Variants in OR2V2 observed in about 807,000 individuals in gnomAD.
OR2V2 encodes the protein olfactory receptor family 2 subfamily V member 2.
For missense variants in OR2V2, 392 were observed against 392.2 expected (o/e 1.00, Z 0.00); for synonymous variants, 161 against 151.3 (o/e 1.06, Z -0.47).
chr5:181,157,162 AT>A lies in OR2V2; in HGVS notation c.*1273del, dbSNP rs1763276300. ...CTATTTGCAGTAAAATTCTCTTTTC[AT>A]GGAAAAAAAATATCTCCATTGAAGG... On this transcript the variant is annotated 3_prime_UTR_variant, in exon 2 of 2. Coordinates refer to ENST00000641492, the MANE Select transcript of OR2V2 (RefSeq NM_206880.2). 6.6e-6 allele frequency: 1 copy of A among 152,236 alleles called. No homozygotes were observed. Among genetic ancestry groups the A allele is most frequent in the African/African-American group, 2.4e-5 (1 of 41,452 alleles). 9.4% of individuals were successfully genotyped at this position (152,236 alleles called of 1,614,324 possible).
Position 181,155,764 on chromosome 5 carries a change from G to A in OR2V2, c.822G>A (p.Val274=). ...RHYRAPSHDK[V]ASIFYTVLTP... ...ACCGGGCCCCCAGCCATGACAAGGT[G>A]GCCTCTATCTTCTACACGGTCCTTA... Residue 274 remains valine (V), a synonymous_variant, in exon 2 of 2, where the codon GTG becomes GTA. Transcript: ENST00000641492. 1 of 1,614,128 alleles carries A rather than the reference G, an allele frequency of 6.2e-7. No homozygotes were observed.
At position 181,154,956 on chromosome 5, in the gene OR2V2, T is replaced by C. The variant is rs1763237754; in HGVS notation, c.14T>C (p.Val5Ala). 1 of 1,613,456 alleles carries C rather than the reference T, an allele frequency of 6.2e-7. No individual in the cohort carries two copies. Among genetic ancestry groups the C allele is most frequent in the African/African-American group, 1.3e-5 (1 of 75,024 alleles). ...AACAACCGAGCCATGGAGACGTGGG[T>C]GAACCAGTCCTACACAGATGGCTTC... is the stretch of plus-strand genomic sequence containing the variant. METW[V>A]NQSYTDGFFL... is the part of the protein sequence containing the mutation. Residue 5 changes from valine (V) to alanine (A), a missense_variant, in exon 2 of 2, where the codon GTG (valine) becomes GCG (alanine). Coordinates refer to ENST00000641492, the MANE Select transcript of OR2V2 (RefSeq NM_206880.2).
rs1241085355 is a variant in OR2V2 at position 181,155,281 on chromosome 5, G to T, written c.339G>T (p.Gly113=). The change falls in exon 2 of 2, where the codon GGG becomes GGT. Residue 113 remains glycine, a synonymous_variant. Transcript: ENST00000641492. ...TTGTCTGTCTTGTGGGATCTGAGGG[G>T]CTCTTGCTGGGACTCATGGCTTATG... ...GLFVCLVGSE[G]LLLGLMAYDR... 1.1e-5 allele frequency: 18 copies of T among 1,614,142 alleles called. No homozygotes were observed. Among genetic ancestry groups the T allele is most frequent in the East Asian group, 2.2e-5 (1 of 44,888 alleles).
At chr5:181,151,288 G>T (rs1327459908) in intron 1 of OR2V2, among the ~76,000 whole-genome samples, 1 of 152,176 alleles carries the variant, frequency 6.6e-6, no homozygotes, top group African/African-American at 2.4e-5. Flanking sequence ...GAGGGGAAGT[G>T]GGGGGATCCT....
rs866590233 is a variant in OR2V2, at chr5:181,158,691, G to A, written c.*2801G>A. 1 of 152,120 alleles carries A rather than the reference G, an allele frequency of 6.6e-6. No homozygotes were observed. Among genetic ancestry groups the A allele is most frequent in the Non-Finnish European group, 1.5e-5 (1 of 68,020 alleles). The allele number at this position is 152,120 out of a possible 1,614,324, so 9.4% of individuals were successfully genotyped here. ...AAAGAAAACATGTGAAAGCACAGGAGAGTAAAAGAAGCAAGAATCTTGCCA... is the reference window on the plus strand; with the variant it reads ...AAAGAAAACATGTGAAAGCACAGGAAAGTAAAAGAAGCAAGAATCTTGCCA... On this transcript the variant is annotated 3_prime_UTR_variant, in exon 2 of 2. Transcript: ENST00000641492.
rs2770962 is a variant in OR2V2 at position 181,147,888 on chromosome 5, T to C, written c.-132T>C. 131,985 of 394,432 alleles carry C rather than the reference T, an allele frequency of 0.33. 28,547 individuals are homozygous for C. Among genetic ancestry groups the C allele is most frequent in the African/African-American group, 0.8 (37,785 of 47,426 alleles). 24.4% of individuals were successfully genotyped at this position (394,432 alleles called of 1,614,324 possible). A position where few individuals can be genotyped will look rare whatever the true frequency, so the allele number is the denominator to read the frequency against. ...TGGGGCTGCGGCTCCTCCTGTCCCCTGACCCAGTGGGAGCAAAAACAGGAG... is the reference window on the plus strand; with the variant it reads ...TGGGGCTGCGGCTCCTCCTGTCCCCCGACCCAGTGGGAGCAAAAACAGGAG... On this transcript the variant is annotated 5_prime_UTR_variant, in exon 1 of 2. The change abolishes the stop of an existing upstream ORF in the 5' untranslated region. Transcript: ENST00000641492.
intron 1 of OR2V2, among the ~76,000 whole-genome samples, chr5:181,151,475 G>C (rs1377388609): frequency 6.6e-6 from 1 of 152,212 alleles, no homozygotes; most frequent in African/African-American, 2.4e-5. Context: ...AGCAGCACAT[G>C]CATTGTGCCA....
intron 1 of OR2V2, among the ~76,000 whole-genome samples, chr5:181,152,281 G>A (rs781354209): frequency 6.6e-5 from 10 of 152,222 alleles, no homozygotes; most frequent in Non-Finnish European, 8.8e-5. Flanking sequence ...TTGAATGTCC[G>A]TTCTGGAAAC....
chr5:181,152,493 G>A (rs570053438), intron 1 of OR2V2, among the ~76,000 whole-genome samples: 34 of 152,162 alleles, frequency 2.2e-4, no homozygotes, highest in Non-Finnish European at 4.1e-4. Flanking sequence ...TGCAGCTCTC[G>A]TTACAGGTGG....
At chr5:181,150,870 G>C (rs1025482717) in intron 1 of OR2V2, among the ~76,000 whole-genome samples, 3 of 152,124 alleles carry the variant, frequency 2.0e-5, no homozygotes, top group Admixed American at 6.5e-5. Context: ...CCAGCTACTC[G>C]GGCAGCTGAG....
rs779643749 is a variant in OR2V2 at position 181,155,030 on chromosome 5, T to A, written c.88T>A (p.Ser30Thr). 43 of 1,614,066 alleles carry A rather than the reference T, an allele frequency of 2.7e-5. No homozygotes were observed. The highest frequency in any genetic ancestry group is 3.3e-5 in the Non-Finnish European group (39 of 1,180,036). The change falls in exon 2 of 2, where the codon TCC becomes ACC. Residue 30 changes from serine to threonine, a missense_variant. Transcript: ENST00000641492. The part of the protein sequence containing the change: ...SHSTADLVLF[S>T]VVMAVFTVAL... Reference sequence around the variant, plus strand: ...CAGTACTGCTGACCTTGTCCTCTTCTCCGTGGTTATGGCGGTCTTCACAGT... The same window carrying A: ...CAGTACTGCTGACCTTGTCCTCTTCACCGTGGTTATGGCGGTCTTCACAGT...
Position 181,155,036 on chromosome 5 carries a change from G to C in OR2V2, c.94G>C (p.Val32Leu). Residue 32 changes from valine to leucine, a missense_variant, in exon 2 of 2, where the codon GTT becomes CTT. Transcript: ENST00000641492. ...STADLVLFSV[V>L]MAVFTVALCG... ...TGCTGACCTTGTCCTCTTCTCCGTGGTTATGGCGGTCTTCACAGTGGCCCT... is the reference window on the plus strand; with the variant it reads ...TGCTGACCTTGTCCTCTTCTCCGTGCTTATGGCGGTCTTCACAGTGGCCCT... 6.2e-7 allele frequency: 1 copy of C among 1,614,146 alleles called. No individual in the cohort carries two copies. The highest frequency in any genetic ancestry group is 8.5e-7 in the Non-Finnish European group (1 of 1,180,022).
At position 181,158,843 on chromosome 5, in the gene OR2V2, C is replaced by T. The variant is rs1422109999; in HGVS notation, c.*2953C>T. On this transcript the variant is annotated 3_prime_UTR_variant, in exon 2 of 2. Transcript: ENST00000641492. ...ACTACCTTACCAAATCCTTTCCCAT[C>T]AAGTTGTCTGTTCATTTTATTGGGT... 1 of 151,774 alleles carries T rather than the reference C, an allele frequency of 6.6e-6. No homozygotes were observed. Among genetic ancestry groups the T allele is most frequent in the African/African-American group, 2.4e-5 (1 of 41,294 alleles). The allele number at this position is 151,774 out of a possible 1,614,324, so 9.4% of individuals were successfully genotyped here. A position where few individuals can be genotyped will look rare whatever the true frequency, so the allele number is the denominator to read the frequency against.
In OR2V2 at chr5:181,155,356, T is replaced by A. The variant is rs1413131460; in HGVS notation, c.414T>A (p.Asn138Lys). 6.2e-7 allele frequency: 1 copy of A among 1,614,052 alleles called. No individual in the cohort carries two copies. Among genetic ancestry groups the A allele is most frequent in the African/African-American group, 1.3e-5 (1 of 74,910 alleles). Reference sequence around the variant, plus strand: ...CACTTCACTATCCCATCCTCATGAATCAGAGGGTCTGTCTCCAGATTACTG... The same window carrying A: ...CACTTCACTATCCCATCCTCATGAAACAGAGGGTCTGTCTCCAGATTACTG... ...SHPLHYPILM[N>K]QRVCLQITGS... Residue 138 changes from asparagine to lysine, a missense_variant, in exon 2 of 2, where the codon AAT becomes AAA. Asn to Lys is a moderately conservative substitution (Grantham distance 94, BLOSUM62 0). Transcript: ENST00000641492.
At position 181,155,570 on chromosome 5, in the gene OR2V2, T is replaced by C; in HGVS notation, c.628T>C (p.Phe210Leu). 2 of 1,614,238 alleles carry C rather than the reference T, an allele frequency of 1.2e-6. No homozygotes were observed. Among genetic ancestry groups the C allele is most frequent in the Non-Finnish European group, 1.7e-6 (2 of 1,180,038 alleles). Residue 210 changes from phenylalanine (F) to leucine (L), a missense_variant, in exon 2 of 2, where the codon TTC (phenylalanine) becomes CTC (leucine). Transcript: ENST00000641492. ...TGCTTGCTGTGTCTTCATGCTTCTCTTCCCATTCTCCATCATCGTGGCCTC... is the reference window on the plus strand; with the variant it reads ...TGCTTGCTGTGTCTTCATGCTTCTCCTCCCATTCTCCATCATCGTGGCCTC... Reference protein sequence around the residue: ...IFACCVFMLLFPFSIIVASYA... With the variant: ...IFACCVFMLLLPFSIIVASYA...
chr5:181,155,659 G>C lies in OR2V2; in HGVS notation c.717G>C (p.Leu239=). Residue 239 remains leucine (L), a synonymous_variant, in exon 2 of 2, where the codon CTG becomes CTC. Transcript: ENST00000641492. ...MHSAQAWKKA[L]ATCSSHLTAV... is the part of the protein sequence containing the mutation. The stretch of plus-strand genomic sequence containing the variant: ...CTGCTCAGGCCTGGAAAAAGGCCCT[G>C]GCCACCTGCTCCTCCCACCTGACAG... 1 of 1,614,014 alleles carries C rather than the reference G, an allele frequency of 6.2e-7. No homozygotes were observed. Among genetic ancestry groups the C allele is most frequent in the Non-Finnish European group, 8.5e-7 (1 of 1,179,942 alleles).
At position 181,156,039 on chromosome 5, in the gene OR2V2, G is replaced by GTTCTTTCTTCCTTTCTTTCT. The variant is rs1554096517; in HGVS notation, c.*158_*159insCCTTTCTTTCTTTCTTTCTT. On this transcript the variant is annotated 3_prime_UTR_variant, in exon 2 of 2. Transcript: ENST00000641492. ...GAAGGTCTTTTTAAACACTACATCA[G>GTTCTTTCTTCCTTTCTTTCT]TTCTTTCTTTCTTTCTTTCTTTCTT... The GTTCTTTCTTCCTTTCTTTCT allele has an allele frequency of 1.8e-4, 90 of 495,282 alleles. No individual in the cohort carries two copies. Among genetic ancestry groups the GTTCTTTCTTCCTTTCTTTCT allele is most frequent in the African/African-American group, 1.6e-3 (76 of 48,792 alleles). The allele number at this position is 495,282 out of a possible 1,614,324, so 30.7% of individuals were successfully genotyped here. A position where few individuals can be genotyped will look rare whatever the true frequency, so the allele number is the denominator to read the frequency against.
intron 1 of OR2V2, among the ~76,000 whole-genome samples, chr5:181,149,133 G>C (rs928162510): frequency 1.5e-4 from 23 of 152,212 alleles, no homozygotes; most frequent in Non-Finnish European, 3.4e-4. Context: ...GGACTAGAGA[G>C]GACTTAGGAG....
At chr5:181,153,539 A>T (rs944330271) in intron 1 of OR2V2, among the ~76,000 whole-genome samples, 7 of 152,174 alleles carry the variant, frequency 4.6e-5, no homozygotes, top group South Asian at 2.1e-4. Flanking sequence ...ACAGAAAAAA[A>T]AAGTTAGCCT....
Sources: allele counts gnomAD v4.1 joint callset (sites outside exome capture counted in the v4.1 genomes callset), GRCh38; gene constraint gnomAD v4.1.1; transcripts MANE v1.5; gene names NCBI Gene and HGNC (gene_info 2026-07-23, HGNC 2026-07-21).